Variants in FHIT observed in about 807,000 individuals in gnomAD.
FHIT encodes the protein bis(5'-adenosyl)-triphosphatase.
In FHIT, 19 loss-of-function variants were observed where a neutral mutation model predicts 17.9. The observed-to-expected ratio is 1.06, with a 90% CI of 0.74 to 1.56. The LOEUF (loss-of-function observed/expected upper bound fraction) is 1.56, where lower values mean the gene tolerates loss of function less well. FHIT is among the 40% of genes most tolerant of loss of function. FHIT has a pLI of 0.00. For synonymous variants in FHIT, 81 were observed against 69.7 expected, an observed-to-expected ratio of 1.16 and a Z score of -0.81; for missense variants, 248 against 189.2, an observed-to-expected ratio of 1.31 and a Z score of -1.82.
Position 59,773,715 on chromosome 3 carries a change from C to T in FHIT, c.349-21394G>A, listed in dbSNP as rs368216037. ...TTCATCTTGATGTCCCGGGTGTGGA[C>T]TGCAGACCAACATCACCTGGCGGCT... On this transcript the variant is annotated intron_variant, in intron 8 of 9. Coordinates refer to ENST00000492590, the MANE Select transcript of FHIT (RefSeq NM_002012.4). Among the ~76,000 whole-genome samples, 4 of 152,122 alleles carry T rather than the reference C, an allele frequency of 2.6e-5. No homozygotes were observed. The South Asian group carries it at 6.2e-4, about 24-fold the overall frequency.
At chr3:61,236,561 T>C (rs1480110278) in intron 1 of FHIT, among the ~76,000 whole-genome samples, 1 of 152,084 alleles carries the variant, frequency 6.6e-6, no homozygotes, top group East Asian at 1.9e-4. Context: ...GGTCACAGAA[T>C]GTTGGAGAGG....
chr3:60,390,054 T>C (rs1030702338), intron 5 of FHIT, among the ~76,000 whole-genome samples: 9 of 152,166 alleles, frequency 5.9e-5, no homozygotes, highest in Non-Finnish European at 1.2e-4. Context: ...AAACTGTTGT[T>C]GATGAAGTGA....
rs78677158 is a variant in FHIT, at chr3:61,145,411, T to C, written c.-164+55206A>G. Among the ~76,000 whole-genome samples, 16 of 152,268 alleles carry C rather than the reference T, an allele frequency of 1.1e-4. No individual in the cohort carries two copies. In the East Asian group the frequency reaches 2.9e-3, roughly 28 times the overall value. Reference sequence around the variant, plus strand: ...TTTTGTTAGTACCACACAGCCTTAATTGCTATAGCTTTGTAGTAAGTTTTG... The same window carrying C: ...TTTTGTTAGTACCACACAGCCTTAACTGCTATAGCTTTGTAGTAAGTTTTG... On this transcript the variant is annotated intron_variant, in intron 2 of 9. Coordinates refer to ENST00000492590, the MANE Select transcript of FHIT (RefSeq NM_002012.4).
intron 7 of FHIT, among the ~76,000 whole-genome samples, chr3:59,990,507 C>T (rs1476581839): frequency 6.6e-6 from 1 of 152,098 alleles, no homozygotes; most frequent in East Asian, 1.9e-4. Context: ...GGGGAACCCG[C>T]TCTCACCAGA....
chr3:59,808,495 C>A (rs2107027293), intron 8 of FHIT, among the ~76,000 whole-genome samples: 1 of 152,330 alleles, frequency 6.6e-6, no homozygotes, highest in East Asian at 1.9e-4. Flanking sequence ...CGGTAAAACT[C>A]AGGTCCAACC....
chr3:60,131,953 T>C (rs908263375), intron 5 of FHIT, among the ~76,000 whole-genome samples: 2 of 152,126 alleles, frequency 1.3e-5, no homozygotes, highest in Non-Finnish European at 2.9e-5. Context: ...GCTCTCCACA[T>C]CTATAAAGTG....
chr3:61,002,240 G>A (rs79209290), intron 3 of FHIT, among the ~76,000 whole-genome samples: 13,410 of 152,160 alleles, frequency 0.088, 663 homozygotes, highest in Middle Eastern at 0.14. Context: ...TATTCCTCCT[G>A]ACTAACTGCA....
chr3:61,100,131 T>C (rs2035771152), intron 2 of FHIT, among the ~76,000 whole-genome samples: 1 of 152,148 alleles, frequency 6.6e-6, no homozygotes, highest in Non-Finnish European at 1.5e-5. Context: ...TACATAGGTA[T>C]ACATGTGCCA....
chr3:59,780,546 C>T (rs759128294), intron 8 of FHIT, among the ~76,000 whole-genome samples: 66 of 152,310 alleles, frequency 4.3e-4, no homozygotes, highest in Non-Finnish European at 8.5e-4. Context: ...GCCCCCACCA[C>T]TTCCCCAAAA....
At chr3:59,947,278 C>G (rs914538024) in intron 7 of FHIT, among the ~76,000 whole-genome samples, 1 of 152,086 alleles carries the variant, frequency 6.6e-6, no homozygotes, top group African/African-American at 2.4e-5. Flanking sequence ...ACTTCTTGTA[C>G]GTTTTCTAAT....
chr3:60,457,499 A>G (rs894946685), intron 5 of FHIT, among the ~76,000 whole-genome samples: 59 of 152,166 alleles, frequency 3.9e-4, no homozygotes, highest in Non-Finnish European at 8.1e-4. Flanking sequence ...CCTAGGCAAT[A>G]CCATTCAGGA....
At position 59,969,320 on chromosome 3, in the gene FHIT, T is replaced by C. The variant is rs3772469; in HGVS notation, c.279+42051A>G. Among the ~76,000 whole-genome samples the C allele has an allele frequency of 4.6e-5, 7 of 152,272 alleles. No homozygotes were observed. The East Asian group carries it at 1.4e-3, about 29-fold the overall frequency. The stretch of plus-strand genomic sequence containing the variant: ...TTGTTCAGTTTCCTTCATTTGTATG[T>C]GGTTGCAGTCTGTAAGTGAAATTCC... On this transcript the variant is annotated intron_variant, in intron 7 of 9. Transcript: ENST00000492590.
rs74433676 is a variant in FHIT at position 60,439,277 on chromosome 3, G to A, written c.103+97583C>T. Among the ~76,000 whole-genome samples, 27 of 152,200 alleles carry A rather than the reference G, an allele frequency of 1.8e-4. 1 individual carries two copies. Among genetic ancestry groups the A allele is most frequent in the African/African-American group, 4.8e-4 (20 of 41,534 alleles). ...TAGAACCAAGAATTACCAAACAGAT[G>A]CACATTATAATGTCCTAAAAACATT... On this transcript the variant is annotated intron_variant, in intron 5 of 9. Coordinates refer to ENST00000492590, the MANE Select transcript of FHIT (RefSeq NM_002012.4).
intron 4 of FHIT, among the ~76,000 whole-genome samples, chr3:60,727,231 A>C (rs1553709800): frequency 4.6e-5 from 7 of 152,176 alleles, no homozygotes. Flanking sequence ...ATAAAAGCTC[A>C]CAATATAATA....
chr3:60,043,844 G>C (rs1701544180), intron 5 of FHIT, among the ~76,000 whole-genome samples: 1 of 152,118 alleles, frequency 6.6e-6, no homozygotes, highest in Non-Finnish European at 1.5e-5. Context: ...GTGCTGAAGA[G>C]CCTAATGTTT....
intron 7 of FHIT, among the ~76,000 whole-genome samples, chr3:59,991,701 C>T (rs967558179): frequency 1.3e-5 from 2 of 152,016 alleles, no homozygotes; most frequent in African/African-American, 4.8e-5. Context: ...GCTCCTGAAT[C>T]TTTTTATGCT....
At chr3:61,117,684 C>T (rs933874408) in intron 2 of FHIT, among the ~76,000 whole-genome samples, 2 of 152,194 alleles carry the variant, frequency 1.3e-5, no homozygotes, top group Non-Finnish European at 2.9e-5. Flanking sequence ...AGTGCAATGT[C>T]ATCTCCCCTG....
intron 8 of FHIT, among the ~76,000 whole-genome samples, chr3:59,762,540 G>A (rs1701575053): frequency 6.6e-6 from 1 of 152,082 alleles, no homozygotes; most frequent in Non-Finnish European, 1.5e-5. Flanking sequence ...CAGACATGCA[G>A]CAAACTGTAT....
At position 59,936,306 on chromosome 3, in the gene FHIT, T is replaced by C. The variant is rs3772449; in HGVS notation, c.280-13892A>G. 9.8e-3 allele frequency among the ~76,000 whole-genome samples: 1,499 copies of C among 152,302 alleles called. 61 individuals carry two copies. In the East Asian group the frequency reaches 0.13, roughly 13 times the overall value. On this transcript the variant is annotated intron_variant, in intron 7 of 9. Transcript: ENST00000492590. ...TATACATCATATCAGAACATTAATT[T>C]GTAGAGTGATTCCCTCTGGGTGCCT...
Sources: allele counts gnomAD v4.1 joint callset (sites outside exome capture counted in the v4.1 genomes callset), GRCh38; gene constraint gnomAD v4.1.1; transcripts MANE v1.5; gene names NCBI Gene and HGNC (gene_info 2026-07-23, HGNC 2026-07-21).